PPM1B: variants seen among roughly 807,000 people sequenced by gnomAD.
PPM1B encodes protein phosphatase 1B.
A neutral mutation model predicts 43.0 loss-of-function variants in PPM1B; 22 were observed. That is an observed-to-expected ratio of 0.51 (90% CI 0.37 to 0.73). The LOEUF is 0.73. Ranked by LOEUF, PPM1B falls within the 30% of genes least tolerant of loss-of-function variation. The pLI is 0.00. For missense variants in PPM1B, 632 were observed against 584.2 expected (o/e 1.08, Z -0.84); for synonymous variants, 217 against 197.9 (o/e 1.10, Z -0.81).
intron 1 of PPM1B, among the ~76,000 whole-genome samples, chr2:44,183,878 A>C (rs940001229): frequency 6.6e-6 from 1 of 152,152 alleles, no homozygotes; most frequent in Non-Finnish European, 1.5e-5. Flanking sequence ...AGCTGGGACT[A>C]CAGGCATCCG....
In PPM1B at chr2:44,201,089, A is replaced by G. The variant is rs1668910734; in HGVS notation, c.-14-97A>G. 1 of 1,279,912 alleles carries G rather than the reference A, an allele frequency of 7.8e-7. No homozygotes were observed. Among genetic ancestry groups the G allele is most frequent in the South Asian group, 1.6e-5 (1 of 60,986 alleles). 79.3% of individuals were successfully genotyped at this position (1,279,912 alleles called of 1,614,324 possible). A position where few individuals can be genotyped will look rare whatever the true frequency, so the allele number is the denominator to read the frequency against. On this transcript the variant is annotated intron_variant, in intron 1 of 5. Transcript: ENST00000282412. This position sits in a 1 kb window ranked among gnomAD's most constrained non-coding sequence, Gnocchi z 5.4. The stretch of plus-strand genomic sequence containing the variant: ...CCGTAAATTAGGATAATACTAAAAA[A>G]AATACTTGAGGTAGGAGTTACTAGA...
intron 5 of PPM1B, among the ~76,000 whole-genome samples, chr2:44,224,448 C>G (rs1167990416): frequency 9.0e-6 from 1 of 111,704 alleles, no homozygotes; most frequent in Non-Finnish European, 1.8e-5. Context: ...GAGCAAGACT[C>G]CGTCTCCAAA....
At chr2:44,218,840 T>G in intron 5 of PPM1B, 1 of 465,246 alleles carries the variant, frequency 2.1e-6, no homozygotes, top group Non-Finnish European at 4.2e-6. Flanking sequence ...AAACCTTAAT[T>G]TTGAGGCAAG....
rs180794368 is a variant in PPM1B, at chr2:44,199,754, T to C, written c.-14-1432T>C. On this transcript the variant is annotated intron_variant, in intron 1 of 5. Transcript: ENST00000282412. ...TAATTTTTACATGATTTTAATCTTA[T>C]CCTTTCAGGACTCTTTTTCTATAAA... 6.4e-3 allele frequency among the ~76,000 whole-genome samples: 968 copies of C among 152,358 alleles called. 10 individuals carry two copies. Among genetic ancestry groups the C allele is most frequent in the Admixed American group, 0.013 (206 of 15,302 alleles).
intron 5 of PPM1B, among the ~76,000 whole-genome samples, chr2:44,225,166 G>A (rs1041834693): frequency 2.0e-5 from 3 of 152,214 alleles, no homozygotes; most frequent in African/African-American, 2.4e-5. Flanking sequence ...GTAAGATTAT[G>A]TATATAAAGT....
At chr2:44,217,215 C>T (rs978793631) in intron 3 of PPM1B, among the ~76,000 whole-genome samples, 5 of 151,978 alleles carry the variant, frequency 3.3e-5, no homozygotes, top group African/African-American at 1.2e-4. Flanking sequence ...GCCTGACCAA[C>T]ATGGAGAAAC....
chr2:44,242,589 A>G (rs1216235077), intron 5 of PPM1B, among the ~76,000 whole-genome samples: 1 of 152,224 alleles, frequency 6.6e-6, no homozygotes, highest in Non-Finnish European at 1.5e-5. Context: ...AGTATACAAG[A>G]GTAGCTATGT....
chr2:44,238,055 C>T (rs1436279725), downstream of PPM1B, among the ~76,000 whole-genome samples: 5 of 152,122 alleles, frequency 3.3e-5, no homozygotes, highest in African/African-American at 1.2e-4. Flanking sequence ...TGTCCACCAC[C>T]ATGCCCAGCT....
chr2:44,205,764 C>G (rs1669162398), intron 2 of PPM1B, among the ~76,000 whole-genome samples: 1 of 151,802 alleles, frequency 6.6e-6, no homozygotes, highest in Non-Finnish European at 1.5e-5. Flanking sequence ...ATTTATATAC[C>G]ATCTACCAGA....
At chr2:44,202,115 A>G (rs1016622900) in intron 2 of PPM1B, 70 bp downstream of exon 2, 1 of 1,380,294 alleles carries the variant, frequency 7.2e-7, no homozygotes, top group Non-Finnish European at 9.5e-7. Flanking sequence ...AAGTTAAGCT[A>G]ACTTAAAATT....
At chr2:44,233,958 C>G, downstream of PPM1B, 1 of 985,368 alleles carries the variant, frequency 1.0e-6, no homozygotes, top group Non-Finnish European at 1.2e-6. Context: ...CCACTCTGAT[C>G]CAACCCTGTA....
Position 44,209,446 on chromosome 2 carries a change from TTA to T in PPM1B, c.964+120_964+121del, listed in dbSNP as rs567939638. 2.1e-5 allele frequency: 23 copies of T among 1,079,336 alleles called. No homozygotes were observed. The Admixed American group carries it at 4.7e-4, about 22-fold the overall frequency. 66.9% of individuals were successfully genotyped at this position (1,079,336 alleles called of 1,614,324 possible). On this transcript the variant is annotated intron_variant, in intron 3 of 5. Coordinates refer to ENST00000282412, the MANE Select transcript of PPM1B (RefSeq NM_002706.6). ...GGCTCTGTCTCAAAAAAAAAAAAAT[TTA>T]GAGAGGGAAAGTATTCTTTTTGTTT...
intron 5 of PPM1B, among the ~76,000 whole-genome samples, chr2:44,225,419 C>G (rs924726135): frequency 4.6e-5 from 7 of 152,016 alleles, no homozygotes; most frequent in African/African-American, 1.7e-4. Flanking sequence ...TAATGAAAGC[C>G]CATGAGAGAG....
rs147858023 is a variant in PPM1B at position 44,189,438 on chromosome 2, C to G, written c.-14-11748C>G. Reference sequence around the variant, plus strand: ...GGATTCCCTCCGCAGTTCTAACTTGCTAAGCTGCTGGTCCTTCCATTCTTT... The same window carrying G: ...GGATTCCCTCCGCAGTTCTAACTTGGTAAGCTGCTGGTCCTTCCATTCTTT... On this transcript the variant is annotated intron_variant, in intron 1 of 5. Transcript: ENST00000282412. Among the ~76,000 whole-genome samples, 591 of 152,186 alleles carry G rather than the reference C, an allele frequency of 3.9e-3. 1 individual carries two copies. Among genetic ancestry groups the G allele is most frequent in the Middle Eastern group, 0.01 (3 of 294 alleles).
rs140316065 is a variant in PPM1B at position 44,176,057 on chromosome 2, T to G, written c.-15+6783T>G. Among the ~76,000 whole-genome samples the G allele has an allele frequency of 9.4e-4, 143 of 152,280 alleles. No individual in the cohort carries two copies. The Middle Eastern group carries it at 0.01, about 11-fold the overall frequency. ...CCTCGGCCTCCCCAAGTGCTGGGAT[T>G]ACAGGCGTGAGTCACCATGCCCTGC... On this transcript the variant is annotated intron_variant, in intron 1 of 5. Coordinates refer to ENST00000282412, the MANE Select transcript of PPM1B (RefSeq NM_002706.6).
intron 5 of PPM1B, among the ~76,000 whole-genome samples, chr2:44,241,206 T>C (rs1670737751): frequency 7.0e-6 from 1 of 142,402 alleles, no homozygotes; most frequent in African/African-American, 2.5e-5. Flanking sequence ...TTTCTCCATG[T>C]TGGCCAGGCT....
In PPM1B at chr2:44,184,028, G is replaced by A. The variant is rs1381845408; in HGVS notation, c.-15+14754G>A. 3.9e-5 allele frequency among the ~76,000 whole-genome samples: 6 copies of A among 152,216 alleles called. No individual in the cohort carries two copies. The East Asian group carries it at 1.2e-3, about 29-fold the overall frequency. On this transcript the variant is annotated intron_variant, in intron 1 of 5. Coordinates refer to ENST00000282412, the MANE Select transcript of PPM1B (RefSeq NM_002706.6). ...GCTGGGATTACAGGCGTGAGCCACTGTGCCTGGCCTAGTTCTTAGTTTTAC... is the reference window on the plus strand; with the variant it reads ...GCTGGGATTACAGGCGTGAGCCACTATGCCTGGCCTAGTTCTTAGTTTTAC...
intron 3 of PPM1B, 114 bp downstream of exon 3, chr2:44,209,441 A>G (rs1669352364): frequency 6.6e-6 from 8 of 1,221,296 alleles, no homozygotes; most frequent in Non-Finnish European, 7.8e-6. Context: ...CAAAAAAAAA[A>G]AAATTTAGAG....
At chr2:44,207,464 C>G (rs1440520144) in intron 2 of PPM1B, among the ~76,000 whole-genome samples, 3 of 152,174 alleles carry the variant, frequency 2.0e-5, no homozygotes, top group Non-Finnish European at 2.9e-5. Flanking sequence ...ACAGTTTCAT[C>G]TGCTCCTGCT....
Sources: gnomAD v4.1 joint callset for allele counts (sites outside exome capture counted in the v4.1 genomes callset) on GRCh38, gnomAD v4.1.1 for gene constraint, Gnocchi (gnomAD v3.1) non-coding constraint, MANE v1.5 for transcripts, NCBI Gene and HGNC (gene_info 2026-07-23, HGNC 2026-07-21) for gene names.